Variants in BHMT observed in about 807,000 individuals in gnomAD.
BHMT encodes the protein betaine--homocysteine S-methyltransferase.
A neutral mutation model predicts 49.5 loss-of-function variants in BHMT; 38 were observed. That is an observed-to-expected ratio of 0.77 (90% CI 0.59 to 1.01). The LOEUF (loss-of-function observed/expected upper bound fraction) is 1.01. Ranked by LOEUF, BHMT falls within the 50% of genes least tolerant of loss-of-function variation. BHMT has a pLI of 0.00. For missense variants in BHMT, 426 were observed against 495.7 expected (o/e 0.86, Z 1.34); for synonymous variants, 166 against 176.3 (o/e 0.94, Z 0.46).
intron 3 of BHMT, chr5:79,119,665 C>CTTAATGTTTTTAAAT: frequency 3.8e-6 from 1 of 261,220 alleles, no homozygotes; most frequent in Non-Finnish European, 7.3e-6. Context: ...CAAATTCTTT[C>CTTAATGTTTTTAAAT]GTCCTTAATG....
rs114141517 is a variant in BHMT at position 79,112,191 on chromosome 5, G to A, written c.33+273G>A. 6.1e-3 allele frequency among the ~76,000 whole-genome samples: 936 copies of A among 152,266 alleles called. 8 individuals are homozygous for A. The highest frequency in any genetic ancestry group is 0.026 in the South Asian group (127 of 4,828). Reference sequence around the variant, plus strand: ...CAGCCCCAGCCCAGCTTGGACCAGAGTGCGCCCCAGATCTATGTGATCCTT... The same window carrying A: ...CAGCCCCAGCCCAGCTTGGACCAGAATGCGCCCCAGATCTATGTGATCCTT... On this transcript the variant is annotated intron_variant, in intron 1 of 7. Transcript: ENST00000274353.
chr5:79,129,613 G>A (rs1010734117), intron 7 of BHMT, among the ~76,000 whole-genome samples: 3 of 152,296 alleles, frequency 2.0e-5, no homozygotes, highest in East Asian at 1.9e-4. Context: ...AAGTTAGCAA[G>A]TTGTAATCGC....
At chr5:79,121,572 T>C (rs1350135235) in intron 5 of BHMT, among the ~76,000 whole-genome samples, 1 of 152,082 alleles carries the variant, frequency 6.6e-6, no homozygotes, top group Non-Finnish European at 1.5e-5. Context: ...CCCAGCACTT[T>C]GGGAGGCAGA....
intron 5 of BHMT, among the ~76,000 whole-genome samples, chr5:79,121,764 G>A (rs186213442): frequency 0.032 from 4,681 of 146,432 alleles, 101 homozygotes; most frequent in South Asian, 0.074. Flanking sequence ...GCAGTGAGCC[G>A]AGATTGCGCC....
intron 3 of BHMT, 27 bp downstream of exon 3, chr5:79,119,404 T>A (rs1330137858): frequency 1.3e-6 from 2 of 1,558,042 alleles, no homozygotes; most frequent in Middle Eastern, 1.7e-4. Context: ...GTGGGACTTT[T>A]AGAAGGATAT....
chr5:79,131,172 A>G lies in BHMT; in HGVS notation c.*56A>G. 1 of 1,523,582 alleles carries G rather than the reference A, an allele frequency of 6.6e-7. No individual in the cohort carries two copies. The allele number at this position is 1,523,582 out of a possible 1,614,324, so 94.4% of individuals were successfully genotyped here. A position where few individuals can be genotyped will look rare whatever the true frequency, so the allele number is the denominator to read the frequency against. Reference sequence around the variant, plus strand: ...TAGGTGTTTGGGTCACAGTTCCTACAAATACGGAAAAGGGGGTTAAAAAGC... The same window carrying G: ...TAGGTGTTTGGGTCACAGTTCCTACGAATACGGAAAAGGGGGTTAAAAAGC... On this transcript the variant is annotated 3_prime_UTR_variant, in exon 8 of 8. Transcript: ENST00000274353.
intron 7 of BHMT, among the ~76,000 whole-genome samples, chr5:79,129,836 T>A (rs1457075868): frequency 2.0e-5 from 3 of 152,034 alleles, no homozygotes; most frequent in Non-Finnish European, 2.9e-5. Context: ...AGTACTCCTA[T>A]CCCAAATTTT....
At chr5:79,117,958 G>T (rs1240236590) in intron 2 of BHMT, among the ~76,000 whole-genome samples, 2 of 152,012 alleles carry the variant, frequency 1.3e-5, no homozygotes, top group African/African-American at 4.8e-5. Flanking sequence ...AACAAAGATG[G>T]GTTGGGGAAA....
In BHMT at chr5:79,120,459, A is replaced by G. The variant is rs1756449970; in HGVS notation, c.395A>G (p.Lys132Arg). ...CAGACACCTTCATACCTTAGCTGCA[A>G]GAGTGAAACTGAAGTCAAAAAAGTA... ...VSQTPSYLSC[K>R]SETEVKKVFL... The change falls in exon 4 of 8, where the codon AAG becomes AGG. Residue 132 changes from lysine (K) to arginine (R), a missense_variant. Lys to Arg is a conservative substitution (Grantham distance 26, BLOSUM62 2). Transcript: ENST00000274353. 2 of 1,614,182 alleles carry G rather than the reference A, an allele frequency of 1.2e-6. No individual in the cohort carries two copies. The highest frequency in any genetic ancestry group is 1.7e-6 in the Non-Finnish European group (2 of 1,180,022).
intron 6 of BHMT, 112 bp downstream of exon 6, chr5:79,126,340 C>T: frequency 8.1e-7 from 1 of 1,235,054 alleles, no homozygotes. Context: ...GGCTTGGTGT[C>T]TCCTCATGTC....
At chr5:79,112,747 TG>T (rs1337208004) in intron 1 of BHMT, among the ~76,000 whole-genome samples, 6 of 152,148 alleles carry the variant, frequency 3.9e-5, no homozygotes, top group Non-Finnish European at 5.9e-5. Context: ...GCTATCCCAG[TG>T]GCTTGTTGGG....
chr5:79,126,857 C>G (rs1756559907), intron 6 of BHMT, among the ~76,000 whole-genome samples: 1 of 151,966 alleles, frequency 6.6e-6, no homozygotes, highest in South Asian at 2.1e-4. Context: ...GTTGATCTCA[C>G]AAATTAAGCC....
At chr5:79,115,995 A>G in intron 2 of BHMT, 96 bp downstream of exon 2, 1 of 1,400,036 alleles carries the variant, frequency 7.1e-7, no homozygotes, top group Non-Finnish European at 9.3e-7. Context: ...AGGTGGGAAG[A>G]CCACTTGAGC....
chr5:79,124,056 G>A (rs1397865587), intron 5 of BHMT, among the ~76,000 whole-genome samples: 1 of 152,138 alleles, frequency 6.6e-6, no homozygotes, highest in African/African-American at 2.4e-5. Flanking sequence ...AATATCATAT[G>A]ATTTTGTTTA....
In BHMT at chr5:79,127,756, A is replaced by C. The variant is rs201437174; in HGVS notation, c.810A>C (p.Gly270=). Residue 270 remains glycine (G), a splice_region_variant and synonymous_variant, in exon 7 of 8, where the codon GGA becomes GGC. Transcript: ENST00000274353. ...ATGGCATAATGCCACTTATTACAGG[A>C]CTGGAACCCAGAGTTGCCACCAGAT... The part of the protein sequence containing the change: ...GFIDLPEFPF[G]LEPRVATRWD... 17 of 1,614,062 alleles carry C rather than the reference A, an allele frequency of 1.1e-5. No individual in the cohort carries two copies. The Admixed American group carries it at 1.2e-4, about 11-fold the overall frequency.
chr5:79,131,428 T>G lies in BHMT; in HGVS notation c.*312T>G, dbSNP rs1756641316. ...CAGATGTTAATGCCACTTGAAGAAG[T>G]TGGTAGGCTAGCAAAGAGGATGAGA... On this transcript the variant is annotated 3_prime_UTR_variant, in exon 8 of 8. Coordinates refer to ENST00000274353, the MANE Select transcript of BHMT (RefSeq NM_001713.3). 2 of 218,062 alleles carry G rather than the reference T, an allele frequency of 9.2e-6. No homozygotes were observed. The highest frequency in any genetic ancestry group is 1.8e-5 in the Non-Finnish European group (2 of 110,806). The allele number at this position is 218,062 out of a possible 1,614,324, so 13.5% of individuals were successfully genotyped here.
rs375813959 is a variant in BHMT at position 79,111,814 on chromosome 5, G to C, written c.-72G>C. 5 of 1,593,934 alleles carry C rather than the reference G, an allele frequency of 3.1e-6. No homozygotes were observed. The highest frequency in any genetic ancestry group is 1.3e-5 in the African/African-American group (1 of 74,320). On this transcript the variant is annotated 5_prime_UTR_variant, in exon 1 of 8. Coordinates refer to ENST00000274353, the MANE Select transcript of BHMT (RefSeq NM_001713.3). ...GCAGGCTGCGGACTCGGAGCAGCTC[G>C]GGGCTGCGCAGCGGGAAGGCTCGCC...
intron 5 of BHMT, among the ~76,000 whole-genome samples, chr5:79,121,674 G>C (rs1452076105): frequency 6.6e-6 from 1 of 151,624 alleles, no homozygotes; most frequent in Non-Finnish European, 1.5e-5. Flanking sequence ...AATTAGCCGG[G>C]ACTGGTGGCG....
intron 1 of BHMT, among the ~76,000 whole-genome samples, chr5:79,112,831 G>A (rs1756325534): frequency 6.6e-6 from 1 of 152,136 alleles, no homozygotes; most frequent in African/African-American, 2.4e-5. Flanking sequence ...ACTGACTGCC[G>A]TGGAATGAGA....
Sources: gnomAD v4.1 joint callset for allele counts (sites outside exome capture counted in the v4.1 genomes callset) on GRCh38, gnomAD v4.1.1 for gene constraint, MANE v1.5 for transcripts, NCBI Gene and HGNC (gene_info 2026-07-23, HGNC 2026-07-21) for gene names.